EHBP1: variants seen among roughly 807,000 people sequenced by gnomAD.
The protein encoded by EHBP1 is EH domain binding protein 1.
Under a neutral mutation model 144.0 loss-of-function variants are expected in EHBP1, and 55 were observed. The ratio of observed to expected loss-of-function variants is 0.38; its 90% confidence interval spans 0.31 to 0.48. The LOEUF (loss-of-function observed/expected upper bound fraction) is 0.48, where lower values mean the gene tolerates loss of function less well. Among genes scored for constraint, EHBP1 ranks in the 20% least tolerant of loss-of-function variants. EHBP1 has a pLI of 0.98. For synonymous variants in EHBP1, 469 were observed against 472.7 expected (o/e 0.99, Z 0.10); for missense variants, 1,200 against 1,364.2 (o/e 0.88, Z 1.90).
chr2:62,822,594 T>C (rs1047626058), intron 5 of EHBP1, among the ~76,000 whole-genome samples: 1 of 152,184 alleles, frequency 6.6e-6, no homozygotes, highest in Non-Finnish European at 1.5e-5. Flanking sequence ...AATTGTTGAG[T>C]TGTTAAGATT....
chr2:62,805,983 AT>A (rs34953459), intron 5 of EHBP1, among the ~76,000 whole-genome samples: 26 of 148,266 alleles, frequency 1.8e-4, no homozygotes, highest in African/African-American at 2.5e-4. Context: ...TATTTTCTGG[AT>A]TTTTTTTTTT....
intron 19 of EHBP1, among the ~76,000 whole-genome samples, chr2:63,020,184 C>T (rs1210488688): frequency 6.6e-6 from 1 of 151,720 alleles, no homozygotes; most frequent in African/African-American, 2.4e-5. Flanking sequence ...ATTAGCCAGG[C>T]GTGTTGGCAG....
chr2:62,973,219 A>T (rs1397234201), intron 14 of EHBP1, among the ~76,000 whole-genome samples: 1 of 152,126 alleles, frequency 6.6e-6, no homozygotes, highest in African/African-American at 2.4e-5. Flanking sequence ...TTTCATCTTA[A>T]CTCAGTAAAA....
At chr2:62,757,243 C>A (rs1213979570) in intron 3 of EHBP1, among the ~76,000 whole-genome samples, 1 of 151,956 alleles carries the variant, frequency 6.6e-6, no homozygotes, top group Non-Finnish European at 1.5e-5. Flanking sequence ...ATCCTCTGAC[C>A]TCAGCCTCCC....
intron 13 of EHBP1, among the ~76,000 whole-genome samples, chr2:62,954,651 G>C (rs1429233185): frequency 6.6e-6 from 1 of 151,968 alleles, no homozygotes; most frequent in African/African-American, 2.4e-5. Flanking sequence ...TCTTAAAAAA[G>C]ATGGTTTCAC....
At chr2:62,951,733 C>G (rs181322235) in intron 13 of EHBP1, among the ~76,000 whole-genome samples, 97 of 152,164 alleles carry the variant, frequency 6.4e-4, no homozygotes, top group Admixed American at 6.1e-3. Context: ...CCACATTGGC[C>G]AGGCTGGTCT....
intron 1 of EHBP1, among the ~76,000 whole-genome samples, chr2:62,687,086 C>A (rs1359104174): frequency 6.6e-6 from 1 of 152,222 alleles, no homozygotes; most frequent in Non-Finnish European, 1.5e-5. Flanking sequence ...TACCTCCTGT[C>A]TTCAGCTGTT....
At chr2:62,942,355 G>A (rs887061960) in intron 10 of EHBP1, among the ~76,000 whole-genome samples, 12 of 152,146 alleles carry the variant, frequency 7.9e-5, no homozygotes, top group South Asian at 4.1e-4. Flanking sequence ...AAAAGAAACC[G>A]TATTTGTACA....
At chr2:62,679,458 G>A (rs543974095) in intron 1 of EHBP1, among the ~76,000 whole-genome samples, 1 of 152,192 alleles carries the variant, frequency 6.6e-6, no homozygotes, top group South Asian at 2.1e-4. Flanking sequence ...GTAATAGTCA[G>A]TTTAGCATTT....
At chr2:62,874,284 A>G in intron 9 of EHBP1, 62 bp from the exon 10 acceptor site, 3 of 1,309,190 alleles carry the variant, frequency 2.3e-6, no homozygotes, top group Non-Finnish European at 3.1e-6. Flanking sequence ...ATGTTTTATT[A>G]TTTTACTTGT....
intron 10 of EHBP1, among the ~76,000 whole-genome samples, chr2:62,934,105 T>C (rs1259621563): frequency 6.6e-6 from 1 of 152,230 alleles, no homozygotes; most frequent in African/African-American, 2.4e-5. Context: ...TAGGAATTGC[T>C]GGGTCATAGG....
intron 5 of EHBP1, among the ~76,000 whole-genome samples, chr2:62,810,943 A>AT (rs1017869902): frequency 6.6e-6 from 1 of 151,966 alleles, no homozygotes; most frequent in African/African-American, 2.4e-5. Context: ...TGCTTTAATA[A>AT]TTTTTTTTGT....
chr2:62,853,890 G>A (rs924367051), intron 7 of EHBP1, among the ~76,000 whole-genome samples: 12 of 152,282 alleles, frequency 7.9e-5, no homozygotes, highest in Non-Finnish European at 1.0e-4. Context: ...TTTGGAAGGC[G>A]TCTTTTTTTC....
intron 19 of EHBP1, among the ~76,000 whole-genome samples, chr2:63,030,413 A>C (rs146771451): frequency 6.6e-6 from 1 of 151,990 alleles, no homozygotes; most frequent in Non-Finnish European, 1.5e-5. Flanking sequence ...ATATATACAC[A>C]CACACACACA....
At chr2:62,780,067 T>C (rs964367626) in intron 5 of EHBP1, among the ~76,000 whole-genome samples, 1 of 152,172 alleles carries the variant, frequency 6.6e-6, no homozygotes, top group African/African-American at 2.4e-5. Flanking sequence ...TCAGAAAAGG[T>C]GACCTACCAG....
intron 5 of EHBP1, among the ~76,000 whole-genome samples, chr2:62,824,883 G>T (rs891134778): frequency 3.3e-5 from 5 of 151,856 alleles, no homozygotes; most frequent in Admixed American, 6.6e-5. Context: ...GAGAAATAAA[G>T]ATTTATTAAA....
chr2:62,740,576 G>A (rs1304307593), intron 2 of EHBP1, among the ~76,000 whole-genome samples: 3 of 152,116 alleles, frequency 2.0e-5, no homozygotes, highest in Non-Finnish European at 1.5e-5. Context: ...TGAAATGTTC[G>A]TTTATGGCTA....
At position 62,764,308 on chromosome 2, in the gene EHBP1, G is replaced by A. The variant is rs2041000860; in HGVS notation, c.205G>A (p.Val69Ile). The change falls in exon 4 of 23, where the codon GTT (valine) becomes ATT (isoleucine). Residue 69 changes from valine to isoleucine, a missense_variant. By Grantham distance (29) the Val-to-Ile change is conservative. Transcript: ENST00000431489. ...QPGIKNPYRG[V>I]VVWPVPENIE... ...TGGAATAAAAAATCCCTATCGTGGT[G>A]TTGTTGTGTGGCCTGTTCCTGAAAA... 1 of 1,583,606 alleles carries A rather than the reference G, an allele frequency of 6.3e-7. No homozygotes were observed.
chr2:62,830,672 T>C (rs895218745), intron 6 of EHBP1, among the ~76,000 whole-genome samples: 1 of 152,204 alleles, frequency 6.6e-6, no homozygotes, highest in Admixed American at 6.5e-5. Flanking sequence ...CTATTTGTTT[T>C]TGTTGCATTT....
Sources: gnomAD v4.1 joint callset for allele counts (sites outside exome capture counted in the v4.1 genomes callset) on GRCh38, gnomAD v4.1.1 for gene constraint, MANE v1.5 for transcripts, NCBI Gene and HGNC (gene_info 2026-07-23, HGNC 2026-07-21) for gene names.